The following PDGFC variants were observed in gnomAD, a reference collection of about 807,000 sequenced individuals.
PDGFC encodes platelet-derived growth factor C.
Under a neutral mutation model 35.5 loss-of-function variants are expected in PDGFC, and 12 were observed. The observed-to-expected ratio is 0.34, with a 90% CI of 0.22 to 0.55. PDGFC has a LOEUF of 0.55. Ranked by LOEUF, PDGFC falls within the 20% of genes least tolerant of loss-of-function variation. The pLI is 0.91. For missense variants in PDGFC, 322 were observed against 412.4 expected (o/e 0.78, Z 1.90); for synonymous variants, 159 against 148.8 (o/e 1.07, Z -0.50).
At chr4:156,900,150 C>T (rs1474398254) in intron 1 of PDGFC, among the ~76,000 whole-genome samples, 1 of 152,164 alleles carries the variant, frequency 6.6e-6, no homozygotes, top group African/African-American at 2.4e-5. Flanking sequence ...TCCCAATCTC[C>T]AATCTTGATC....
intron 1 of PDGFC, among the ~76,000 whole-genome samples, chr4:156,907,870 T>C (rs1231461489): frequency 6.6e-6 from 1 of 152,108 alleles, no homozygotes; most frequent in Admixed American, 6.5e-5. Flanking sequence ...TCCAGTGTTA[T>C]ATAAAAGCAG....
intron 2 of PDGFC, among the ~76,000 whole-genome samples, chr4:156,824,145 A>G (rs1280245847): frequency 1.3e-5 from 2 of 151,738 alleles, no homozygotes; most frequent in African/African-American, 4.8e-5. Flanking sequence ...GACTGTAGGA[A>G]TAAGTTTTAG....
At chr4:156,889,821 C>T (rs956888458) in intron 1 of PDGFC, among the ~76,000 whole-genome samples, 1 of 152,100 alleles carries the variant, frequency 6.6e-6, no homozygotes, top group East Asian at 1.9e-4. Context: ...GAATCTAGTG[C>T]ATGTTACGTC....
chr4:156,827,923 ACATGGGAGT>A, intron 2 of PDGFC, among the ~76,000 whole-genome samples: 1 of 152,216 alleles, frequency 6.6e-6, no homozygotes, highest in South Asian at 2.1e-4. Flanking sequence ...ACACATGTAC[ACATGGGAGT>A]GTTAAGAGGC....
intron 1 of PDGFC, among the ~76,000 whole-genome samples, chr4:156,925,268 G>A (rs28435871): frequency 0.012 from 1,841 of 152,240 alleles, 31 homozygotes; most frequent in African/African-American, 0.042. Context: ...AAGAAAGGCT[G>A]GACAGGCTCT....
intron 3 of PDGFC, among the ~76,000 whole-genome samples, chr4:156,808,359 A>G (rs1731830008): frequency 6.6e-6 from 1 of 152,072 alleles, no homozygotes; most frequent in South Asian, 2.1e-4. Context: ...CAAAGAAATC[A>G]TTGTGGCCAG....
rs1560803038 is a variant in PDGFC at position 156,768,001 on chromosome 4, T to C, written c.704-11A>G. 1.3e-6 allele frequency: 2 copies of C among 1,525,424 alleles called. No homozygotes were observed. The highest frequency in any genetic ancestry group is 4.5e-5 in the East Asian group (2 of 44,436). The allele number at this position is 1,525,424 out of a possible 1,614,324, so 94.5% of individuals were successfully genotyped here. ...GGTTCAGATCCACCACTATATGGTA[T>C]AAAAGAAAGCAAAGAAAAATAGATG... On this transcript the variant is annotated splice_polypyrimidine_tract_variant and intron_variant, in intron 4 of 5. Transcript: ENST00000502773.
chr4:156,886,599 C>CT (rs1166801454), intron 1 of PDGFC: 1 of 152,192 alleles, frequency 6.6e-6, no homozygotes, highest in Non-Finnish European at 1.5e-5. Flanking sequence ...GAAGGTCGAA[C>CT]ATGCCCCCAG....
intron 3 of PDGFC, among the ~76,000 whole-genome samples, chr4:156,781,824 G>A (rs1730987447): frequency 6.6e-6 from 1 of 152,100 alleles, no homozygotes. Context: ...TAAGGATTAA[G>A]CAAAATAGCA....
intron 1 of PDGFC, among the ~76,000 whole-genome samples, chr4:156,968,983 C>A (rs780858186): frequency 6.6e-6 from 1 of 151,958 alleles, no homozygotes; most frequent in Non-Finnish European, 1.5e-5. Context: ...GCTCTGGGAC[C>A]CTTACAAAGT....
chr4:156,826,674 G>C (rs957664109), intron 2 of PDGFC, among the ~76,000 whole-genome samples: 1 of 152,078 alleles, frequency 6.6e-6, no homozygotes, highest in African/African-American at 2.4e-5. Flanking sequence ...ATGGACTTTA[G>C]ATATGGATTT....
intron 1 of PDGFC, among the ~76,000 whole-genome samples, chr4:156,942,123 T>C (rs1387379593): frequency 6.6e-6 from 1 of 151,912 alleles, no homozygotes; most frequent in Non-Finnish European, 1.5e-5. Flanking sequence ...GGAAAACCCC[T>C]TGTTGACCAT....
chr4:156,805,961 G>A (rs1436806488), intron 3 of PDGFC, among the ~76,000 whole-genome samples: 3 of 151,912 alleles, frequency 2.0e-5, no homozygotes, highest in South Asian at 2.1e-4. Flanking sequence ...CCAGTACGCC[G>A]TCTGAACTCT....
At chr4:156,853,768 C>T (rs1349744573) in intron 1 of PDGFC, among the ~76,000 whole-genome samples, 2 of 152,082 alleles carry the variant, frequency 1.3e-5, no homozygotes, top group Non-Finnish European at 2.9e-5. Flanking sequence ...TTGAGACCAG[C>T]TTGGGCAACA....
At chr4:156,925,879 C>T (rs143553229) in intron 1 of PDGFC, among the ~76,000 whole-genome samples, 35 of 151,260 alleles carry the variant, frequency 2.3e-4, no homozygotes, top group African/African-American at 6.3e-4. Context: ...GGTGAAACCC[C>T]GTCTCTACAA....
chr4:156,958,591 A>G (rs565223655), intron 1 of PDGFC, among the ~76,000 whole-genome samples: 1 of 152,204 alleles, frequency 6.6e-6, no homozygotes, highest in South Asian at 2.1e-4. Context: ...TACAGAATGA[A>G]TAAATGTTAT....
intron 1 of PDGFC, among the ~76,000 whole-genome samples, chr4:156,935,765 A>G (rs1731665856): frequency 6.6e-6 from 1 of 152,206 alleles, no homozygotes; most frequent in African/African-American, 2.4e-5. Flanking sequence ...GCAACAGTTC[A>G]TTATTCATTA....
chr4:156,955,831 A>G (rs756495509), intron 1 of PDGFC, among the ~76,000 whole-genome samples: 12 of 151,962 alleles, frequency 7.9e-5, no homozygotes, highest in South Asian at 2.1e-4. Flanking sequence ...TAATTTTTCA[A>G]TCTTACTTCT....
chr4:156,766,007 A>C (rs1730516969), intron 5 of PDGFC, among the ~76,000 whole-genome samples: 2 of 152,192 alleles, frequency 1.3e-5, no homozygotes, highest in African/African-American at 4.8e-5. Flanking sequence ...CAATTTGCTC[A>C]AAGTCACATG....
Sources: allele counts gnomAD v4.1 joint callset (sites outside exome capture counted in the v4.1 genomes callset), GRCh38; gene constraint gnomAD v4.1.1; transcripts MANE v1.5; gene names NCBI Gene and HGNC (gene_info 2026-07-23, HGNC 2026-07-21).